The following ROBO1 variants were observed in gnomAD, a reference collection of about 807,000 sequenced individuals.
ROBO1 encodes the protein roundabout homolog 1.
A neutral mutation model predicts 195.9 loss-of-function variants in ROBO1; 149 were observed. That is an observed-to-expected ratio of 0.76 (90% CI 0.67 to 0.87). ROBO1 has a LOEUF of 0.87. Among genes scored for constraint, ROBO1 ranks in the 40% least tolerant of loss-of-function variants. The pLI is 0.00. For missense variants in ROBO1, 1,933 were observed against 2,068.3 expected (o/e 0.93, Z 1.27); for synonymous variants, 816 against 733.2 (o/e 1.11, Z -1.82).
intron 2 of ROBO1, among the ~76,000 whole-genome samples, chr3:79,176,657 C>T (rs1207435964): frequency 6.6e-6 from 1 of 152,026 alleles, no homozygotes; most frequent in African/African-American, 2.4e-5. Context: ...GAAATTTCAC[C>T]ATTTTAGCCA....
At chr3:79,062,817 C>T (rs1319106118) in intron 3 of ROBO1, among the ~76,000 whole-genome samples, 1 of 151,970 alleles carries the variant, frequency 6.6e-6, no homozygotes, top group South Asian at 2.1e-4. Flanking sequence ...GAACATCACA[C>T]ACTGGGGCCT....
In ROBO1 at chr3:78,622,249, A is replaced by C. The variant is rs1051562214; in HGVS notation, c.3876-4208T>G. The stretch of plus-strand genomic sequence containing the variant: ...TACCAAAATTGAAATATTCATAATA[A>C]TGCAGGTCTTTAATGTTTATATAAT... On this transcript the variant is annotated intron_variant, in intron 26 of 30. Coordinates refer to ENST00000464233, the MANE Select transcript of ROBO1 (RefSeq NM_002941.4). Among the ~76,000 whole-genome samples the C allele has an allele frequency of 3.3e-5, 5 of 152,194 alleles. 1 individual carries two copies. Among genetic ancestry groups the C allele is most frequent in the South Asian group, 4.1e-4 (2 of 4,836 alleles).
chr3:79,253,025 T>A (rs529368506), intron 2 of ROBO1, among the ~76,000 whole-genome samples: 1 of 152,298 alleles, frequency 6.6e-6, no homozygotes, highest in South Asian at 2.1e-4. Context: ...ATTAAGCATA[T>A]ACTGTAGCTT....
intron 4 of ROBO1, among the ~76,000 whole-genome samples, chr3:78,851,105 G>A (rs2034034026): frequency 6.6e-6 from 1 of 152,060 alleles, no homozygotes; most frequent in African/African-American, 2.4e-5. Flanking sequence ...ACCACGCCCG[G>A]TCACACCTAT....
At chr3:78,869,804 AAG>A (rs2035441603) in intron 4 of ROBO1, among the ~76,000 whole-genome samples, 1 of 152,050 alleles carries the variant, frequency 6.6e-6, no homozygotes, top group Non-Finnish European at 1.5e-5. Context: ...CATAATCTCA[AAG>A]AGAGAATATT....
chr3:78,864,173 AAAAC>A (rs1433649492), intron 4 of ROBO1, among the ~76,000 whole-genome samples: 1 of 152,224 alleles, frequency 6.6e-6, no homozygotes, highest in East Asian at 1.9e-4. Flanking sequence ...ACAAGCAAAC[AAAAC>A]AAACAGTTGG....
chr3:78,599,012 A>C, intron 30 of ROBO1, 85 bp from the exon 31 acceptor site: 1 of 749,696 alleles, frequency 1.3e-6, no homozygotes, highest in South Asian at 2.4e-5. Context: ...TATTATTATT[A>C]TAATTTAATG....
At chr3:79,761,887 C>T (rs987823312) in intron 1 of ROBO1, among the ~76,000 whole-genome samples, 1 of 152,180 alleles carries the variant, frequency 6.6e-6, no homozygotes, top group African/African-American at 2.4e-5. Flanking sequence ...TTCCTAGTTA[C>T]ACCTGGAATA....
intron 2 of ROBO1, among the ~76,000 whole-genome samples, chr3:79,501,350 T>C (rs969685796): frequency 3.9e-5 from 6 of 152,226 alleles, no homozygotes; most frequent in Admixed American, 3.3e-4. Flanking sequence ...GGCACCGTTC[T>C]AGTGACCCTG....
rs184913107 is a variant in ROBO1, at chr3:79,457,552, C to A, written c.88+132272G>T. ...GGGTAATATGGTTTGACTGTGTCCC[C>A]ACCCAAATCTCATCTTGAGCTCCCA... On this transcript the variant is annotated intron_variant, in intron 2 of 30. Transcript: ENST00000464233. 2.6e-3 allele frequency among the ~76,000 whole-genome samples: 392 copies of A among 152,162 alleles called. 2 individuals carry two copies. Among genetic ancestry groups the A allele is most frequent in the African/African-American group, 8.1e-3 (337 of 41,518 alleles).
intron 2 of ROBO1, among the ~76,000 whole-genome samples, chr3:79,485,442 C>T (rs1285825211): frequency 1.3e-5 from 2 of 151,906 alleles, no homozygotes; most frequent in Non-Finnish European, 2.9e-5. Flanking sequence ...AAATAAAAAC[C>T]ATACATAGTT....
At chr3:78,856,627 T>G (rs2034457105) in intron 4 of ROBO1, among the ~76,000 whole-genome samples, 1 of 150,978 alleles carries the variant, frequency 6.6e-6, no homozygotes, top group Non-Finnish European at 1.5e-5. Context: ...GGAGTCCAAC[T>G]TAATAAAAAT....
chr3:79,620,369 C>T (rs953181291), intron 1 of ROBO1, among the ~76,000 whole-genome samples: 13 of 152,086 alleles, frequency 8.5e-5, no homozygotes, highest in African/African-American at 2.7e-4. Flanking sequence ...AGGGTAAATC[C>T]GTACCCTTCT....
At chr3:79,687,878 C>T (rs1947175642) in intron 1 of ROBO1, among the ~76,000 whole-genome samples, 2 of 152,066 alleles carry the variant, frequency 1.3e-5, no homozygotes, top group South Asian at 2.1e-4. Context: ...GGGTATATAC[C>T]GAAAGGATTA....
chr3:79,055,248 C>T (rs981659080), intron 3 of ROBO1, among the ~76,000 whole-genome samples: 1 of 152,110 alleles, frequency 6.6e-6, no homozygotes, highest in Non-Finnish European at 1.5e-5. Context: ...GTCAATTGCT[C>T]AACTGCTTTT....
At chr3:79,411,848 A>T (rs2037781641) in intron 2 of ROBO1, among the ~76,000 whole-genome samples, 1 of 152,292 alleles carries the variant, frequency 6.6e-6, no homozygotes, top group Admixed American at 6.5e-5. Context: ...AGCTACGCAG[A>T]CCCTGATGCA....
chr3:79,058,079 G>T (rs887264997), intron 3 of ROBO1, among the ~76,000 whole-genome samples: 3 of 151,986 alleles, frequency 2.0e-5, no homozygotes, highest in Admixed American at 1.3e-4. Flanking sequence ...ATGAAAGGGG[G>T]AGTAATGGGA....
intron 2 of ROBO1, among the ~76,000 whole-genome samples, chr3:79,568,324 T>G (rs1943156824): frequency 6.6e-6 from 1 of 152,116 alleles, no homozygotes; most frequent in African/African-American, 2.4e-5. Flanking sequence ...GAAAATTGAT[T>G]TGAATGTCTT....
At chr3:78,888,079 T>C (rs542972033) in intron 4 of ROBO1, among the ~76,000 whole-genome samples, 1 of 152,276 alleles carries the variant, frequency 6.6e-6, no homozygotes, top group South Asian at 2.1e-4. Flanking sequence ...ACAACAGACA[T>C]TGTATTTCTT....
Sources: allele counts gnomAD v4.1 joint callset (sites outside exome capture counted in the v4.1 genomes callset), GRCh38; gene constraint gnomAD v4.1.1; transcripts MANE v1.5; gene names NCBI Gene and HGNC (gene_info 2026-07-23, HGNC 2026-07-21).